Variants in GPHN observed in about 807,000 individuals in gnomAD.
The protein encoded by GPHN is gephyrin.
Under a neutral mutation model 95.5 loss-of-function variants are expected in GPHN, and 17 were observed. The observed-to-expected ratio is 0.18, with a 90% confidence interval of 0.12 to 0.27. The LOEUF (loss-of-function observed/expected upper bound fraction) is 0.27. GPHN is among the 10% of genes least tolerant of loss of function. The probability of loss-of-function intolerance (pLI) is 1.00; values close to 1 mark genes in which losing one functional copy is unlikely to be tolerated. For synonymous variants in GPHN, 320 were observed against 322.5 expected (o/e 0.99, Z 0.08); for missense variants, 660 against 978.1 (o/e 0.67, Z 4.34).
intron 4 of GPHN, among the ~76,000 whole-genome samples, chr14:66,851,220 T>C (rs933542418): frequency 1.6e-4 from 24 of 151,962 alleles, no homozygotes; most frequent in Non-Finnish European, 2.6e-4. Context: ...AACATATCTA[T>C]ATAACCATCC....
downstream of GPHN, among the ~76,000 whole-genome samples, chr14:67,182,888 C>T (rs1452638277): frequency 7.6e-6 from 1 of 131,102 alleles, no homozygotes; most frequent in Non-Finnish European, 1.6e-5. Context: ...CTCTACTGCT[C>T]AGGATAGAGT....
At chr14:67,310,288 G>C in the GPHN span, among the ~76,000 whole-genome samples, 2 of 151,932 alleles carry the variant, frequency 1.3e-5, no homozygotes, top group African/African-American at 4.8e-5. Flanking sequence ...GGTTCTTTAG[G>C]GCACTTTGCA....
intron 3 of GPHN, among the ~76,000 whole-genome samples, chr14:66,794,481 T>C (rs1264841314): frequency 6.6e-6 from 1 of 152,188 alleles, no homozygotes; most frequent in African/African-American, 2.4e-5. Context: ...TATTTCTTTA[T>C]AGCAATATGA....
chr14:66,782,860 A>G (rs1010802593), intron 3 of GPHN, among the ~76,000 whole-genome samples: 5 of 152,028 alleles, frequency 3.3e-5, no homozygotes, highest in African/African-American at 1.2e-4. Flanking sequence ...CAAAAAAACC[A>G]AAAGAAAGAA....
At chr14:66,957,197 T>C (rs1016104178) in intron 8 of GPHN, among the ~76,000 whole-genome samples, 16 of 131,056 alleles carry the variant, frequency 1.2e-4, no homozygotes, top group African/African-American at 4.4e-4. Flanking sequence ...CTTTTTTTTT[T>C]TTTTTTTTTT....
chr14:67,660,119 G>C, the GPHN span: 1 of 545,926 alleles, frequency 1.8e-6, no homozygotes, highest in South Asian at 2.7e-5. Context: ...AGCAAGCACA[G>C]AGCAGGCATT....
At chr14:67,510,444 C>T in the GPHN span, among the ~76,000 whole-genome samples, 1 of 152,172 alleles carries the variant, frequency 6.6e-6, no homozygotes. Context: ...CCAAGTACCA[C>T]AGCTGGTGAT....
chr14:66,967,275 T>A (rs1028504919), intron 9 of GPHN, among the ~76,000 whole-genome samples: 30 of 151,960 alleles, frequency 2.0e-4, no homozygotes, highest in African/African-American at 7.0e-4. Context: ...AAGGAGTTAG[T>A]CTATTCCAAT....
At chr14:66,574,049 A>G (rs575901670) in intron 1 of GPHN, among the ~76,000 whole-genome samples, 1 of 152,044 alleles carries the variant, frequency 6.6e-6, no homozygotes, top group African/African-American at 2.4e-5. Flanking sequence ...GCTACTACTA[A>G]CTTTGCATTT....
At chr14:67,445,588 T>TTTTTTTTTTTTTTTG in the GPHN span, among the ~76,000 whole-genome samples, 2 of 130,292 alleles carry the variant, frequency 1.5e-5, no homozygotes, top group Non-Finnish European at 3.3e-5. Flanking sequence ...TTTTTTTTTT[T>TTTTTTTTTTTTTTTG]TTTTTTTTTT....
intron 9 of GPHN, among the ~76,000 whole-genome samples, chr14:67,015,071 T>A (rs1479278084): frequency 6.6e-6 from 1 of 152,206 alleles, no homozygotes; most frequent in Non-Finnish European, 1.5e-5. Context: ...GTTCTACATA[T>A]TATAGTATTT....
chr14:67,398,024 G>C, the GPHN span: 3,440 of 404,508 alleles, frequency 8.5e-3, 98 homozygotes, highest in African/African-American at 0.063. Flanking sequence ...TTCCTATTTG[G>C]CCATTTCTCT....
chr14:67,322,385 G>T, the GPHN span, among the ~76,000 whole-genome samples: 1 of 152,126 alleles, frequency 6.6e-6, no homozygotes, highest in South Asian at 2.1e-4. Context: ...TAGAAACTTG[G>T]AGTTTTTAAG....
intron 9 of GPHN, among the ~76,000 whole-genome samples, chr14:66,998,061 A>G (rs1386174981): frequency 6.6e-6 from 1 of 152,204 alleles, no homozygotes; most frequent in Non-Finnish European, 1.5e-5. Context: ...CACAGCCTAC[A>G]GCATCCATCA....
the GPHN span, chr14:67,574,153 G>A: frequency 8.1e-7 from 1 of 1,233,078 alleles, no homozygotes; most frequent in Admixed American, 2.7e-5. The surrounding 1 kb of genome is among the most constrained non-coding windows in gnomAD (Gnocchi z 4.2). Flanking sequence ...AGCCCCTTGG[G>A]TTCAGGGACA....
chr14:66,531,580 T>C (rs190269058), intron 1 of GPHN, among the ~76,000 whole-genome samples: 1 of 152,374 alleles, frequency 6.6e-6, no homozygotes, highest in African/African-American at 2.4e-5. Context: ...TAGAAACTTT[T>C]AAGCAGCTGA....
At chr14:67,266,562 G>A in the GPHN span, among the ~76,000 whole-genome samples, 3 of 152,122 alleles carry the variant, frequency 2.0e-5, no homozygotes, top group African/African-American at 4.8e-5. Flanking sequence ...CTGACCTCAA[G>A]TGATCCACAT....
intron 21 of GPHN, among the ~76,000 whole-genome samples, chr14:67,175,631 T>C (rs1320902085): frequency 6.6e-6 from 1 of 152,168 alleles, no homozygotes; most frequent in Non-Finnish European, 1.5e-5. Context: ...AGTGGTAGCT[T>C]TATGGGGATA....
the GPHN span, among the ~76,000 whole-genome samples, chr14:67,661,529 C>CTTT: frequency 4.0e-4 from 44 of 110,042 alleles, no homozygotes; most frequent in East Asian, 2.1e-3. Context: ...GAACAGTAAC[C>CTTT]TTTTTTTTTT....
Sources: gnomAD v4.1 joint callset for allele counts (sites outside exome capture counted in the v4.1 genomes callset) on GRCh38, gnomAD v4.1.1 for gene constraint, Gnocchi (gnomAD v3.1) non-coding constraint, MANE v1.5 for transcripts, NCBI Gene and HGNC (gene_info 2026-07-23, HGNC 2026-07-21) for gene names.